MATCAP2: variants seen among roughly 807,000 people sequenced by gnomAD.
MATCAP2 encodes microtubule associated tyrosine carboxypeptidase 2.
chr7:36,378,940 C>G, the MATCAP2 span, among the ~76,000 whole-genome samples: 5 of 152,218 alleles, frequency 3.3e-5, no homozygotes, highest in Non-Finnish European at 5.9e-5. Flanking sequence ...TGTGCATTTG[C>G]TAAGACCGTT....
the MATCAP2 span, among the ~76,000 whole-genome samples, chr7:36,345,135 A>G: frequency 2.0e-5 from 3 of 152,194 alleles, no homozygotes. Context: ...TCCACAAGAC[A>G]CACTGTCAGG....
chr7:36,333,864 G>A, the MATCAP2 span: 1 of 1,601,284 alleles, frequency 6.2e-7, no homozygotes, highest in East Asian at 2.2e-5. Flanking sequence ...ACCTGGTTGG[G>A]AAGTATCAGT....
At chr7:36,381,287 T>G in the MATCAP2 span, among the ~76,000 whole-genome samples, 1 of 151,994 alleles carries the variant, frequency 6.6e-6, no homozygotes, top group African/African-American at 2.4e-5. Context: ...AAGTGTTGAT[T>G]GGAGTCCATG....
the MATCAP2 span, among the ~76,000 whole-genome samples, chr7:36,333,386 T>A: frequency 6.6e-6 from 1 of 152,178 alleles, no homozygotes; most frequent in Non-Finnish European, 1.5e-5. Context: ...GAATGAATGC[T>A]AATGGGTATG....
the MATCAP2 span, among the ~76,000 whole-genome samples, chr7:36,363,783 G>C: frequency 7.2e-5 from 11 of 152,278 alleles, no homozygotes; most frequent in East Asian, 2.1e-3. Context: ...ATACTTCATA[G>C]TATTATTGTA....
At chr7:36,385,857 TAAAG>T in the MATCAP2 span, among the ~76,000 whole-genome samples, 1,168 of 149,104 alleles carry the variant, frequency 7.8e-3, 17 homozygotes, top group African/African-American at 0.027. Context: ...TAAAATAAGA[TAAAG>T]AAAGAACTGT....
At chr7:36,388,786 C>T in the MATCAP2 span, among the ~76,000 whole-genome samples, 1 of 152,138 alleles carries the variant, frequency 6.6e-6, no homozygotes, top group Admixed American at 6.5e-5. Context: ...TCCCTTCTCT[C>T]GGCAGTAAAA....
chr7:36,382,526 CTTG>C, the MATCAP2 span, among the ~76,000 whole-genome samples: 1 of 151,878 alleles, frequency 6.6e-6, no homozygotes, highest in Non-Finnish European at 1.5e-5. Flanking sequence ...GGAGTCTCGC[CTTG>C]TTGTCCAGGC....
the MATCAP2 span, among the ~76,000 whole-genome samples, chr7:36,347,352 A>C: frequency 6.6e-6 from 1 of 152,192 alleles, no homozygotes; most frequent in African/African-American, 2.4e-5. Context: ...CCTGACCATC[A>C]ATCATGTGCT....
chr7:36,375,110 G>A, the MATCAP2 span, among the ~76,000 whole-genome samples: 7 of 152,172 alleles, frequency 4.6e-5, 1 homozygote, highest in East Asian at 1.9e-4. Flanking sequence ...TTGAGGAATC[G>A]CCACACTGTC....
At chr7:36,379,839 CACACACACAGAGAGAGAG>C in the MATCAP2 span, among the ~76,000 whole-genome samples, 4 of 131,496 alleles carry the variant, frequency 3.0e-5, no homozygotes, top group Admixed American at 2.4e-4. Flanking sequence ...CACACACACA[CACACACACAGAGAGAGAG>C]AGAGAGAGAG....
At chr7:36,356,661 T>A in the MATCAP2 span, 1 of 584,050 alleles carries the variant, frequency 1.7e-6, no homozygotes, top group Non-Finnish European at 3.0e-6. Context: ...GCTGTCTTCC[T>A]AATATAATTG....
the MATCAP2 span, chr7:36,367,220 C>T: frequency 8.7e-7 from 1 of 1,152,280 alleles, no homozygotes; most frequent in East Asian, 4.1e-5. Context: ...GACGTAGCCG[C>T]TCCGCCGGTT....
the MATCAP2 span, among the ~76,000 whole-genome samples, chr7:36,334,712 C>CT: frequency 1.3e-5 from 2 of 151,984 alleles, no homozygotes; most frequent in Admixed American, 1.3e-4. Context: ...TAACAATTTA[C>CT]TTTTTTAAAG....
the MATCAP2 span, chr7:36,390,171 G>C: frequency 1.2e-5 from 18 of 1,534,468 alleles, no homozygotes; most frequent in African/African-American, 1.1e-4. Flanking sequence ...TGCGCAGTGT[G>C]TGCGGGCCGG....
the MATCAP2 span, among the ~76,000 whole-genome samples, chr7:36,360,141 C>T: frequency 2.2e-4 from 34 of 152,092 alleles, no homozygotes; most frequent in Non-Finnish European, 4.6e-4. Context: ...ATATGTTGTA[C>T]TGATTTTTTA....
the MATCAP2 span, among the ~76,000 whole-genome samples, chr7:36,332,268 A>G: frequency 6.6e-6 from 1 of 152,184 alleles, no homozygotes; most frequent in Non-Finnish European, 1.5e-5. Flanking sequence ...TCTAAAAAGA[A>G]CACTCAAAAA....
the MATCAP2 span, among the ~76,000 whole-genome samples, chr7:36,339,041 G>A: frequency 6.6e-6 from 1 of 152,160 alleles, no homozygotes; most frequent in East Asian, 1.9e-4. Context: ...AAACCAAGCT[G>A]TAACCCAACC....
At chr7:36,334,535 C>CAAAA in the MATCAP2 span, among the ~76,000 whole-genome samples, 26 of 49,520 alleles carry the variant, frequency 5.3e-4, no homozygotes, top group South Asian at 1.2e-3. Context: ...GATCCCATCT[C>CAAAA]AAAAAAAAAA....
Sources: allele counts gnomAD v4.1 joint callset (sites outside exome capture counted in the v4.1 genomes callset), GRCh38; gene constraint gnomAD v4.1.1; transcripts MANE v1.5; gene names NCBI Gene and HGNC (gene_info 2026-07-23, HGNC 2026-07-21).